MCC: variants seen among roughly 807,000 people sequenced by gnomAD.
The protein encoded by MCC is MCC regulator of Wnt signaling pathway.
In MCC, 90 loss-of-function variants were observed where a neutral mutation model predicts 116.2. That is an observed-to-expected ratio of 0.77 (90% CI 0.65 to 0.92). MCC has a LOEUF of 0.92. Ranked by LOEUF, MCC falls within the 40% of genes least tolerant of loss-of-function variation. MCC has a pLI of 0.00. For missense variants in MCC, 1,516 were observed against 1,312.2 expected (o/e 1.16, Z -2.40); for synonymous variants, 578 against 510.5 (o/e 1.13, Z -1.78).
chr5:113,486,764 A>G (rs943888330), intron 1 of MCC, among the ~76,000 whole-genome samples: 2 of 151,756 alleles, frequency 1.3e-5, no homozygotes, highest in Non-Finnish European at 2.9e-5. Flanking sequence ...AATCTCTTGA[A>G]CCAGGAGGCG....
intron 1 of MCC, among the ~76,000 whole-genome samples, chr5:113,410,495 G>C (rs557703057): frequency 6.6e-6 from 1 of 152,274 alleles, no homozygotes; most frequent in Admixed American, 6.5e-5. Flanking sequence ...TTCTTGGCTG[G>C]GCGTGGTGGG....
intron 3 of MCC, among the ~76,000 whole-genome samples, chr5:113,319,269 C>G (rs1304338992): frequency 1.3e-5 from 2 of 152,104 alleles, no homozygotes; most frequent in African/African-American, 4.8e-5. Flanking sequence ...TGTTGCTTAC[C>G]AAAGCTCTGA....
At chr5:113,320,294 A>G (rs1767386984) in intron 3 of MCC, among the ~76,000 whole-genome samples, 1 of 152,158 alleles carries the variant, frequency 6.6e-6, no homozygotes, top group South Asian at 2.1e-4. Flanking sequence ...TTGTTTTTAA[A>G]AAACTGAATT....
chr5:113,363,202 G>C (rs1768590807), intron 2 of MCC, among the ~76,000 whole-genome samples: 1 of 152,126 alleles, frequency 6.6e-6, no homozygotes, highest in Admixed American at 6.5e-5. Context: ...GCTTGAACCA[G>C]GGAGTTGGAA....
rs544629370 is a variant in MCC, at chr5:113,329,476, G to A, written c.627+11043C>T. Among the ~76,000 whole-genome samples, 58 of 136,026 alleles carry A rather than the reference G, an allele frequency of 4.3e-4. No individual in the cohort carries two copies. The South Asian group carries it at 6.6e-3, about 15-fold the overall frequency. The allele number at this position is 136,026 out of a possible 152,430, so 89.2% of individuals were successfully genotyped here. A position where few individuals can be genotyped will look rare whatever the true frequency, so the allele number is the denominator to read the frequency against. On this transcript the variant is annotated intron_variant, in intron 3 of 18. Coordinates refer to ENST00000408903, the MANE Select transcript of MCC (RefSeq NM_001085377.2). Reference sequence around the variant, plus strand: ...TATGTATACACACATGCATATATACGTATACACACACATATATAAACACAA... The same window carrying A: ...TATGTATACACACATGCATATATACATATACACACACATATATAAACACAA...
intron 5 of MCC, among the ~76,000 whole-genome samples, chr5:113,128,435 C>G (rs1758212588): frequency 4.6e-5 from 7 of 152,152 alleles, no homozygotes; most frequent in Admixed American, 4.6e-4. Context: ...TGTTTTAAAG[C>G]TATTGGAAGG....
chr5:113,282,369 A>G (rs1027628003), intron 3 of MCC, among the ~76,000 whole-genome samples: 1 of 152,216 alleles, frequency 6.6e-6, no homozygotes, highest in Non-Finnish European at 1.5e-5. Context: ...TATCAGCATC[A>G]GACACTTTCT....
chr5:113,375,105 A>T (rs2150390214), intron 2 of MCC, among the ~76,000 whole-genome samples: 1 of 152,058 alleles, frequency 6.6e-6, no homozygotes, highest in Non-Finnish European at 1.5e-5. Context: ...GGTATGATGC[A>T]CAGGGACATT....
At chr5:113,317,598 G>A (rs1237472227) in intron 3 of MCC, among the ~76,000 whole-genome samples, 1 of 152,144 alleles carries the variant, frequency 6.6e-6, no homozygotes, top group Non-Finnish European at 1.5e-5. Flanking sequence ...GTGATGACAG[G>A]GAAAGAGCTG....
intron 5 of MCC, among the ~76,000 whole-genome samples, chr5:113,137,971 G>T (rs1406556960): frequency 6.6e-6 from 1 of 151,904 alleles, no homozygotes; most frequent in African/African-American, 2.4e-5. Flanking sequence ...GTAGCTATAA[G>T]GGATGGGAGA....
At chr5:113,361,071 A>G (rs1850412) in intron 2 of MCC, among the ~76,000 whole-genome samples, 69,642 of 151,974 alleles carry the variant, frequency 0.46, 17,303 homozygotes, top group African/African-American at 0.64. Flanking sequence ...TTCTCCTCCA[A>G]ACCTCAACCA....
chr5:113,349,449 T>C (rs969617918), intron 2 of MCC, among the ~76,000 whole-genome samples: 1 of 152,058 alleles, frequency 6.6e-6, no homozygotes, highest in African/African-American at 2.4e-5. Flanking sequence ...AAAAACCATA[T>C]GATCACTTCA....
chr5:113,182,930 G>C (rs185981889), intron 3 of MCC, among the ~76,000 whole-genome samples: 4 of 152,314 alleles, frequency 2.6e-5, no homozygotes, highest in Non-Finnish European at 4.4e-5. Context: ...AGACAGCACA[G>C]GAGAGTTCAG....
chr5:113,273,102 A>G (rs767527605), intron 3 of MCC, among the ~76,000 whole-genome samples: 7 of 152,390 alleles, frequency 4.6e-5, no homozygotes, highest in Admixed American at 4.6e-4. Context: ...ACTAGAAAGA[A>G]AAATAAAAGA....
chr5:113,124,281 A>G (rs538903477), intron 5 of MCC, among the ~76,000 whole-genome samples: 2 of 152,362 alleles, frequency 1.3e-5, no homozygotes, highest in Admixed American at 6.5e-5. Context: ...ATGATTAAAA[A>G]GCACTCTTAA....
At position 113,339,408 on chromosome 5, in the gene MCC, A is replaced by AGTGTGTGT. The variant is rs60886614; in HGVS notation, c.627+1103_627+1110dup. Among the ~76,000 whole-genome samples, 752 of 123,648 alleles carry AGTGTGTGT rather than the reference A, an allele frequency of 6.1e-3. 8 individuals carry two copies. The highest frequency in any genetic ancestry group is 0.023 in the African/African-American group (720 of 31,538). The allele number at this position is 123,648 out of a possible 152,430, so 81.1% of individuals were successfully genotyped here. A position where few individuals can be genotyped will look rare whatever the true frequency, so the allele number is the denominator to read the frequency against. On this transcript the variant is annotated intron_variant, in intron 3 of 18. Coordinates refer to ENST00000408903, the MANE Select transcript of MCC (RefSeq NM_001085377.2). Reference sequence around the variant, plus strand: ...GTCCATATTTTATCTAGGCTTCCTTAGTGTGTGTGTGTGTGTGTGTGTGTG... The same window carrying AGTGTGTGT: ...GTCCATATTTTATCTAGGCTTCCTTAGTGTGTGTGTGTGTGTGTGTGTGTGTGTGTGTG...
intron 3 of MCC, among the ~76,000 whole-genome samples, chr5:113,171,001 C>CA (rs1761044987): frequency 6.6e-6 from 1 of 152,110 alleles, no homozygotes; most frequent in South Asian, 2.1e-4. Flanking sequence ...GCTTTGGCTT[C>CA]AGTGGCTCTC....
chr5:113,183,331 T>A (rs1031173502), intron 3 of MCC, among the ~76,000 whole-genome samples: 1 of 152,184 alleles, frequency 6.6e-6, no homozygotes, highest in Non-Finnish European at 1.5e-5. Flanking sequence ...CTTCTCTAAA[T>A]TTTAGCTTTT....
intron 17 of MCC, among the ~76,000 whole-genome samples, chr5:113,032,399 ACT>A (rs1353871050): frequency 2.1e-5 from 3 of 144,356 alleles, no homozygotes; most frequent in Non-Finnish European, 4.5e-5. Flanking sequence ...CAAGAATGAA[ACT>A]CTGTATCAAA....
Sources: gnomAD v4.1 joint callset for allele counts (sites outside exome capture counted in the v4.1 genomes callset) on GRCh38, gnomAD v4.1.1 for gene constraint, MANE v1.5 for transcripts, NCBI Gene and HGNC (gene_info 2026-07-23, HGNC 2026-07-21) for gene names.